The following MARVELD1 variants were observed in gnomAD, a reference collection of about 807,000 sequenced individuals.
MARVELD1 encodes MARVEL domain-containing protein 1.
Under a neutral mutation model 11.3 loss-of-function variants are expected in MARVELD1, and 7 were observed. The observed-to-expected ratio is 0.62, with a 90% CI of 0.35 to 1.16. The LOEUF (loss-of-function observed/expected upper bound fraction) is 1.16. MARVELD1 is among the 50% of genes most tolerant of loss of function. The pLI, the probability that MARVELD1 is intolerant of heterozygous loss-of-function variation, is 0.02. For missense variants in MARVELD1, 216 were observed against 243.8 expected, an observed-to-expected ratio of 0.89 and a Z score of 0.76; for synonymous variants, 119 against 121.4, an observed-to-expected ratio of 0.98 and a Z score of 0.13.
chr10:97,714,216 G>C lies in MARVELD1; in HGVS notation c.340G>C (p.Gly114Arg). The change falls in exon 1 of 2, where the codon GGC becomes CGC. Residue 114 changes from glycine (G) to arginine (R), a missense_variant. By Grantham distance (125) the Gly-to-Arg change is moderately radical. Coordinates refer to ENST00000285605, the MANE Select transcript of MARVELD1 (RefSeq NM_031484.4). The surrounding 1 kb of genome is among the most constrained non-coding windows in gnomAD (Gnocchi z 7.4). ...LAAALYGAAT[G>R]IMSDQMQRHS... ...GGCCGCGCTCTACGGCGCCGCCACC[G>C]GCATCATGAGCGACCAGATGCAGCG... 1 of 1,536,892 alleles carries C rather than the reference G, an allele frequency of 6.5e-7. No homozygotes were observed. The highest frequency in any genetic ancestry group is 8.7e-7 in the Non-Finnish European group (1 of 1,146,650).
Position 97,713,999 on chromosome 10 carries a change from C to A in MARVELD1, c.123C>A (p.Ala41=), listed in dbSNP as rs1273228599. ...TGTTGCGGCTGCTGCAGCTGCTGGC[C>A]GGCGCTGCCTTCTGGATCACTATCG... ...LGVLRLLQLL[A]GAAFWITIAT... is the part of the protein sequence containing the mutation. Residue 41 remains alanine, a synonymous_variant, in exon 1 of 2, where the codon GCC becomes GCA. Coordinates refer to ENST00000285605, the MANE Select transcript of MARVELD1 (RefSeq NM_031484.4). The surrounding 1 kb of genome is among the most constrained non-coding windows in gnomAD (Gnocchi z 5.7). The A allele has an allele frequency of 1.3e-6, 2 of 1,535,780 alleles. No homozygotes were observed. The highest frequency in any genetic ancestry group is 1.7e-6 in the Non-Finnish European group (2 of 1,146,364).
rs1383072763 is a variant in MARVELD1 at position 97,714,032 on chromosome 10, C to A, written c.156C>A (p.Ser52Arg). ...CCTTCTGGATCACTATCGCCACCAG[C>A]AAGTACCAGGGCCCCGTGCACTTCG... ...GAAFWITIAT[S>R]KYQGPVHFAL... Residue 52 changes from serine to arginine, a missense_variant, in exon 1 of 2, where the codon AGC (serine) becomes AGA (arginine). Physicochemically the swap from Ser to Arg is moderately radical, Grantham distance 110. Coordinates refer to ENST00000285605, the MANE Select transcript of MARVELD1 (RefSeq NM_031484.4). This position sits in a 1 kb window ranked among gnomAD's most constrained non-coding sequence, Gnocchi z 7.4. 1 of 1,536,680 alleles carries A rather than the reference C, an allele frequency of 6.5e-7. No homozygotes were observed. Among genetic ancestry groups the A allele is most frequent in the East Asian group, 2.4e-5 (1 of 40,846 alleles).
Position 97,714,012 on chromosome 10 carries a change from T to C in MARVELD1, c.136T>C (p.Trp46Arg). 9.8e-6 allele frequency: 15 copies of C among 1,536,350 alleles called. No homozygotes were observed. The highest frequency in any genetic ancestry group is 1.2e-5 in the Non-Finnish European group (14 of 1,146,520). The change falls in exon 1 of 2, where the codon TGG becomes CGG. Residue 46 changes from tryptophan (W) to arginine (R), a missense_variant. Transcript: ENST00000285605. The surrounding 1 kb of genome is among the most constrained non-coding windows in gnomAD (Gnocchi z 7.4). ...GCAGCTGCTGGCCGGCGCTGCCTTC[T>C]GGATCACTATCGCCACCAGCAAGTA... Reference protein sequence around the residue: ...LLQLLAGAAFWITIATSKYQG... With the variant: ...LLQLLAGAAFRITIATSKYQG...
Position 97,714,576 on chromosome 10 carries a change from G to A in MARVELD1, c.*178G>A. ...CCCTGACGCTCAGCTCCCGCCCGAC[G>A]GCAGCGCCGCCGCCGCCCAGAATCC... is the stretch of plus-strand genomic sequence containing the variant. On this transcript the variant is annotated 3_prime_UTR_variant, in exon 1 of 2. Coordinates refer to ENST00000285605, the MANE Select transcript of MARVELD1 (RefSeq NM_031484.4). The surrounding 1 kb of genome is among the most constrained non-coding windows in gnomAD (Gnocchi z 7.4). The A allele has an allele frequency of 2.0e-6, 1 of 496,672 alleles. No homozygotes were observed. Among genetic ancestry groups the A allele is most frequent in the Middle Eastern group, 5.3e-4 (1 of 1,890 alleles). 30.8% of individuals were successfully genotyped at this position (496,672 alleles called of 1,614,324 possible). A position where few individuals can be genotyped will look rare whatever the true frequency, so the allele number is the denominator to read the frequency against.
Position 97,713,907 on chromosome 10 carries a change from C to G in MARVELD1, c.31C>G (p.Pro11Ala). Residue 11 changes from proline to alanine, a missense_variant, in exon 1 of 2, where the codon CCC becomes GCC. Coordinates refer to ENST00000285605, the MANE Select transcript of MARVELD1 (RefSeq NM_031484.4). The surrounding 1 kb of genome is among the most constrained non-coding windows in gnomAD (Gnocchi z 5.7). MLPPPPRQPP[P>A]QARAARGAVR... is the part of the protein sequence containing the mutation. ...CCCGCCGCCCCCGCGCCAGCCGCCG[C>G]CCCAGGCGCGTGCGGCCCGCGGCGC... 1 of 1,167,248 alleles carries G rather than the reference C, an allele frequency of 8.6e-7. No homozygotes were observed. 72.3% of individuals were successfully genotyped at this position (1,167,248 alleles called of 1,614,324 possible). A position where few individuals can be genotyped will look rare whatever the true frequency, so the allele number is the denominator to read the frequency against.
At position 97,714,809 on chromosome 10, in the gene MARVELD1, G is replaced by GC. The variant is rs903860532; in HGVS notation, c.*416dup. The GC allele has an allele frequency of 3.8e-3, 665 of 173,860 alleles. 3 individuals are homozygous for GC. Among genetic ancestry groups the GC allele is most frequent in the Non-Finnish European group, 4.7e-3 (389 of 83,428 alleles). 10.8% of individuals were successfully genotyped at this position (173,860 alleles called of 1,614,324 possible). ...CCAAATTGGAACCAGGCTTCTGGCT[G>GC]CCCCCTTCCCTCCCGCCCCGTGGTC... On this transcript the variant is annotated 3_prime_UTR_variant, in exon 1 of 2. Coordinates refer to ENST00000285605, the MANE Select transcript of MARVELD1 (RefSeq NM_031484.4). The surrounding 1 kb of genome is among the most constrained non-coding windows in gnomAD (Gnocchi z 7.4).
rs1169885341 is a variant in MARVELD1 at position 97,715,405 on chromosome 10, G to C, written c.*1007G>C. The C allele has an allele frequency of 6.6e-6, 1 of 152,236 alleles. No individual in the cohort carries two copies. The highest frequency in any genetic ancestry group is 2.4e-5 in the African/African-American group (1 of 41,460). The allele number at this position is 152,236 out of a possible 1,614,324, so 9.4% of individuals were successfully genotyped here. A position where few individuals can be genotyped will look rare whatever the true frequency, so the allele number is the denominator to read the frequency against. ...AGTCCAGCGCTGTTTGCATTAAAAG[G>C]GTGGGTGAGTCAGGACCCCTGGCTC... On this transcript the variant is annotated 3_prime_UTR_variant, in exon 1 of 2. Transcript: ENST00000285605.
rs558053682 is a variant in MARVELD1, at chr10:97,714,547, G to A, written c.*149G>A. 3.4e-6 allele frequency: 2 copies of A among 584,292 alleles called. No homozygotes were observed. The highest frequency in any genetic ancestry group is 3.3e-5 in the East Asian group (1 of 29,958). 36.2% of individuals were successfully genotyped at this position (584,292 alleles called of 1,614,324 possible). On this transcript the variant is annotated 3_prime_UTR_variant, in exon 1 of 2. Transcript: ENST00000285605. The surrounding 1 kb of genome is among the most constrained non-coding windows in gnomAD (Gnocchi z 7.4). ...GCGTTTCCACTGTCGCCCGCGCCCG[G>A]GAACCCTGACGCTCAGCTCCCGCCC...
Position 97,714,278 on chromosome 10 carries a change from C to G in MARVELD1, c.402C>G (p.Pro134=). The G allele has an allele frequency of 6.5e-7, 1 of 1,536,672 alleles. No homozygotes were observed. The highest frequency in any genetic ancestry group is 1.4e-5 in the African/African-American group (1 of 73,176). ...GCAACCTCAAGGATTACCCGCTCCCCTGCGCCTACCACGCCTTCCTGGCGG... is the reference window on the plus strand; with the variant it reads ...GCAACCTCAAGGATTACCCGCTCCCGTGCGCCTACCACGCCTTCCTGGCGG... ...SYCNLKDYPL[P]CAYHAFLAAA... is the part of the protein sequence containing the mutation. Residue 134 remains proline, a synonymous_variant, in exon 1 of 2, where the codon CCC becomes CCG. Transcript: ENST00000285605. The surrounding 1 kb of genome is among the most constrained non-coding windows in gnomAD (Gnocchi z 7.4).
chr10:97,713,908 C>CG lies in MARVELD1; in HGVS notation c.32_33insG (p.Gln12ProfsTer216), dbSNP rs2041891485. The CG allele has an allele frequency of 8.5e-6, 10 of 1,176,128 alleles. No homozygotes were observed. Among genetic ancestry groups the CG allele is most frequent in the Non-Finnish European group, 1.1e-5 (10 of 948,038 alleles). The allele number at this position is 1,176,128 out of a possible 1,614,324, so 72.9% of individuals were successfully genotyped here. On this transcript the variant is annotated frameshift_variant, in exon 1 of 2. Coordinates refer to ENST00000285605, the MANE Select transcript of MARVELD1 (RefSeq NM_031484.4). LOFTEE classifies it high-confidence loss of function. This position sits in a 1 kb window ranked among gnomAD's most constrained non-coding sequence, Gnocchi z 5.7. The stretch of plus-strand genomic sequence containing the variant: ...CCGCCGCCCCCGCGCCAGCCGCCGC[C>CG]CCAGGCGCGTGCGGCCCGCGGCGCG...
Position 97,714,473 on chromosome 10 carries a change from C to A in MARVELD1, c.*75C>A. 1 of 1,163,664 alleles carries A rather than the reference C, an allele frequency of 8.6e-7. No homozygotes were observed. 72.1% of individuals were successfully genotyped at this position (1,163,664 alleles called of 1,614,324 possible). A position where few individuals can be genotyped will look rare whatever the true frequency, so the allele number is the denominator to read the frequency against. On this transcript the variant is annotated 3_prime_UTR_variant, in exon 1 of 2. Transcript: ENST00000285605. This position sits in a 1 kb window ranked among gnomAD's most constrained non-coding sequence, Gnocchi z 7.4. ...GACCAGCCTCCTTAATCCCTTCCCC[C>A]GCCGCCGCCCCGCGCGGGTGCGCCC...
In MARVELD1 at chr10:97,714,450, C is replaced by G; in HGVS notation, c.*52C>G. ...ATCGGGGCGGGGGAATCCCCGGAGA[C>G]CAGCCTCCTTAATCCCTTCCCCCGC... On this transcript the variant is annotated 3_prime_UTR_variant, in exon 1 of 2. Coordinates refer to ENST00000285605, the MANE Select transcript of MARVELD1 (RefSeq NM_031484.4). This position sits in a 1 kb window ranked among gnomAD's most constrained non-coding sequence, Gnocchi z 7.4. 7.4e-7 allele frequency: 1 copy of G among 1,344,108 alleles called. No individual in the cohort carries two copies. The highest frequency in any genetic ancestry group is 9.9e-7 in the Non-Finnish European group (1 of 1,014,274). The allele number at this position is 1,344,108 out of a possible 1,614,324, so 83.3% of individuals were successfully genotyped here.
Position 97,714,427 on chromosome 10 carries a change from C to T in MARVELD1, c.*29C>T. ...CGCCCGCGCCCGCCGCGGCCCCGAT[C>T]GGGGCGGGGGAATCCCCGGAGACCA... On this transcript the variant is annotated 3_prime_UTR_variant, in exon 1 of 2. Transcript: ENST00000285605. The surrounding 1 kb of genome is among the most constrained non-coding windows in gnomAD (Gnocchi z 7.4). 1 of 1,453,970 alleles carries T rather than the reference C, an allele frequency of 6.9e-7. No individual in the cohort carries two copies. The highest frequency in any genetic ancestry group is 9.1e-7 in the Non-Finnish European group (1 of 1,104,700). The allele number at this position is 1,453,970 out of a possible 1,614,324, so 90.1% of individuals were successfully genotyped here.
Position 97,714,203 on chromosome 10 carries a change from C to T in MARVELD1, c.327C>T (p.Tyr109=), listed in dbSNP as rs1212754089. 2.0e-6 allele frequency: 3 copies of T among 1,536,494 alleles called. No individual in the cohort carries two copies. In the African/African-American group the frequency reaches 4.1e-5, roughly 21 times the overall value. Residue 109 remains tyrosine (Y), a synonymous_variant, in exon 1 of 2, where the codon TAC becomes TAT. Coordinates refer to ENST00000285605, the MANE Select transcript of MARVELD1 (RefSeq NM_031484.4). This position sits in a 1 kb window ranked among gnomAD's most constrained non-coding sequence, Gnocchi z 7.4. The stretch of plus-strand genomic sequence containing the variant: ...ACGATGTGCTGGCGGCCGCGCTCTA[C>T]GGCGCCGCCACCGGCATCATGAGCG... ...VAHDVLAAAL[Y]GAATGIMSDQ...
At position 97,714,421 on chromosome 10, in the gene MARVELD1, C is replaced by T. The variant is rs971206281; in HGVS notation, c.*23C>T. 1.0e-5 allele frequency: 15 copies of T among 1,466,458 alleles called. No homozygotes were observed. The African/African-American group carries it at 2.1e-4, about 21-fold the overall frequency. The allele number at this position is 1,466,458 out of a possible 1,614,324, so 90.8% of individuals were successfully genotyped here. A position where few individuals can be genotyped will look rare whatever the true frequency, so the allele number is the denominator to read the frequency against. ...TGAGGCCGCCCGCGCCCGCCGCGGC[C>T]CCGATCGGGGCGGGGGAATCCCCGG... On this transcript the variant is annotated 3_prime_UTR_variant, in exon 1 of 2. Coordinates refer to ENST00000285605, the MANE Select transcript of MARVELD1 (RefSeq NM_031484.4). The surrounding 1 kb of genome is among the most constrained non-coding windows in gnomAD (Gnocchi z 7.4).
chr10:97,714,659 T>C lies in MARVELD1; in HGVS notation c.*261T>C, dbSNP rs909555237. The C allele has an allele frequency of 8.4e-5, 38 of 454,628 alleles. No homozygotes were observed. The highest frequency in any genetic ancestry group is 1.3e-4 in the Non-Finnish European group (33 of 259,272). 28.2% of individuals were successfully genotyped at this position (454,628 alleles called of 1,614,324 possible). ...GCCGTCTCCCGGGACAAGCGCAGGCTGCGATCCGAGGGGCTGACACACACT... is the reference window on the plus strand; with the variant it reads ...GCCGTCTCCCGGGACAAGCGCAGGCCGCGATCCGAGGGGCTGACACACACT... On this transcript the variant is annotated 3_prime_UTR_variant, in exon 1 of 2. Transcript: ENST00000285605. The surrounding 1 kb of genome is among the most constrained non-coding windows in gnomAD (Gnocchi z 7.4).
chr10:97,714,071 C>G lies in MARVELD1; in HGVS notation c.195C>G (p.Ser65=). 6.5e-7 allele frequency: 1 copy of G among 1,536,946 alleles called. No individual in the cohort carries two copies. The highest frequency in any genetic ancestry group is 8.7e-7 in the Non-Finnish European group (1 of 1,146,722). Residue 65 remains serine, a synonymous_variant, in exon 1 of 2, where the codon TCC becomes TCG. Transcript: ENST00000285605. The surrounding 1 kb of genome is among the most constrained non-coding windows in gnomAD (Gnocchi z 7.4). ...CCGTGCACTTCGCGCTCTTCGTGTC[C>G]GTGCTCTTCTGGCTGCTCACCCTGG... ...QGPVHFALFV[S]VLFWLLTLGL...
chr10:97,714,269 C>T lies in MARVELD1; in HGVS notation c.393C>T (p.Tyr131=). 3.3e-6 allele frequency: 5 copies of T among 1,536,774 alleles called. No homozygotes were observed. The South Asian group carries it at 4.8e-5, about 15-fold the overall frequency. The part of the protein sequence containing the change: ...QRHSYCNLKD[Y]PLPCAYHAFL... Reference sequence around the variant, plus strand: ...ACAGCTACTGCAACCTCAAGGATTACCCGCTCCCCTGCGCCTACCACGCCT... The same window carrying T: ...ACAGCTACTGCAACCTCAAGGATTATCCGCTCCCCTGCGCCTACCACGCCT... Residue 131 remains tyrosine, a synonymous_variant, in exon 1 of 2, where the codon TAC becomes TAT. Coordinates refer to ENST00000285605, the MANE Select transcript of MARVELD1 (RefSeq NM_031484.4). The surrounding 1 kb of genome is among the most constrained non-coding windows in gnomAD (Gnocchi z 7.4).
Position 97,715,068 on chromosome 10 carries a change from C to G in MARVELD1, c.*670C>G, listed in dbSNP as rs2041902001. On this transcript the variant is annotated 3_prime_UTR_variant, in exon 1 of 2. Coordinates refer to ENST00000285605, the MANE Select transcript of MARVELD1 (RefSeq NM_031484.4). The stretch of plus-strand genomic sequence containing the variant: ...CCGAGGTGGGGACCGATAGGAGAAG[C>G]CGGTGGGTTGTACCCTTACACTTGT... 6.6e-6 allele frequency: 1 copy of G among 152,498 alleles called. No homozygotes were observed. Among genetic ancestry groups the G allele is most frequent in the South Asian group, 2.1e-4 (1 of 4,836 alleles). 9.4% of individuals were successfully genotyped at this position (152,498 alleles called of 1,614,324 possible).
Sources: gnomAD v4.1 joint callset for allele counts on GRCh38, gnomAD v4.1.1 for gene constraint, Gnocchi (gnomAD v3.1) non-coding constraint, MANE v1.5 for transcripts, NCBI Gene and HGNC (gene_info 2026-07-23, HGNC 2026-07-21) for gene names.